Variants in SCMH1 observed in about 807,000 individuals in gnomAD.
SCMH1 encodes the protein Scm polycomb group protein homolog 1.
In SCMH1, 37 loss-of-function variants were observed where a neutral mutation model predicts 70.8. That is an observed-to-expected ratio of 0.52 (90% CI 0.40 to 0.69). The LOEUF is 0.69. SCMH1 is among the 30% of genes least tolerant of loss of function. The probability of loss-of-function intolerance (pLI) is 0.00; values close to 1 mark genes in which losing one functional copy is unlikely to be tolerated. For missense variants in SCMH1, 607 were observed against 827.3 expected (o/e 0.73, Z 3.27); for synonymous variants, 292 against 307.4 (o/e 0.95, Z 0.52).
intron 2 of SCMH1, among the ~76,000 whole-genome samples, chr1:41,163,908 C>A (rs1646239021): frequency 6.6e-6 from 1 of 152,008 alleles, no homozygotes; most frequent in South Asian, 2.1e-4. Flanking sequence ...GACACTGCAC[C>A]CACTTTCTAC....
At chr1:41,112,548 AATG>A (rs768441411) in intron 8 of SCMH1, among the ~76,000 whole-genome samples, 2 of 152,044 alleles carry the variant, frequency 1.3e-5, no homozygotes, top group Non-Finnish European at 2.9e-5. Context: ...GTTTTATAAT[AATG>A]ATAATATAGC....
intron 6 of SCMH1, among the ~76,000 whole-genome samples, chr1:41,141,026 C>T (rs1021798165): frequency 2.6e-5 from 4 of 152,122 alleles, no homozygotes; most frequent in Non-Finnish European, 5.9e-5. Context: ...TGCTAATAAA[C>T]CAATTCATTG....
intron 6 of SCMH1, among the ~76,000 whole-genome samples, chr1:41,130,948 G>GT (rs1328377991): frequency 9.9e-5 from 15 of 151,888 alleles, no homozygotes; most frequent in Admixed American, 4.6e-4. Flanking sequence ...TTTTTCTTTT[G>GT]TTTTTTTGTG....
At chr1:41,160,938 C>G (rs1645967432) in intron 3 of SCMH1, 40 bp from the exon 4 acceptor site, 2 of 1,532,194 alleles carry the variant, frequency 1.3e-6, no homozygotes, top group Non-Finnish European at 1.8e-6. Context: ...GTCATTAAGA[C>G]AAACATACCA....
At chr1:41,101,157 A>G (rs148422211) in intron 8 of SCMH1, among the ~76,000 whole-genome samples, 383 of 152,326 alleles carry the variant, frequency 2.5e-3, no homozygotes, top group Non-Finnish European at 3.5e-3. Flanking sequence ...AGAAAAACCA[A>G]ATTAGAGCCA....
chr1:41,027,926 G>A, exon 15 of SCMH1: 1 of 455,380 alleles, frequency 2.2e-6, no homozygotes, highest in Non-Finnish European at 3.9e-6. Context: ...GCCAGCCAGG[G>A]TTGAGAAATA....
intron 5 of SCMH1, 111 bp from the exon 6 acceptor site, chr1:41,143,223 C>A: frequency 4.3e-6 from 3 of 703,754 alleles, no homozygotes; most frequent in Admixed American, 2.8e-5. Context: ...CTGAATTATT[C>A]CCTAATAATT....
chr1:41,210,517 C>A (rs1178109462), intron 1 of SCMH1, among the ~76,000 whole-genome samples: 1 of 152,084 alleles, frequency 6.6e-6, no homozygotes, highest in African/African-American at 2.4e-5. Flanking sequence ...GATGTATAGA[C>A]CAATGGAACA....
intron 7 of SCMH1, among the ~76,000 whole-genome samples, chr1:41,115,672 T>A (rs555048735): frequency 2.0e-5 from 3 of 152,360 alleles, no homozygotes; most frequent in African/African-American, 7.2e-5. Context: ...ATTCCTGGAC[T>A]CAGTGCTTTT....
intron 1 of SCMH1, among the ~76,000 whole-genome samples, chr1:41,201,610 T>C (rs931453326): frequency 1.3e-4 from 20 of 152,162 alleles, no homozygotes; most frequent in Non-Finnish European, 1.3e-4. Flanking sequence ...TCATTTCTGG[T>C]TGGGAAACTC....
intron 1 of SCMH1, among the ~76,000 whole-genome samples, chr1:41,188,394 T>G (rs1427719714): frequency 2.6e-5 from 4 of 152,206 alleles, no homozygotes; most frequent in Admixed American, 2.0e-4. Context: ...CTCTCAAAAT[T>G]TAATGCAATG....
intron 8 of SCMH1, among the ~76,000 whole-genome samples, chr1:41,092,137 A>G (rs1663736205): frequency 6.6e-6 from 1 of 152,262 alleles, no homozygotes; most frequent in Non-Finnish European, 1.5e-5. Flanking sequence ...ACAAGGTTAC[A>G]GTAACCAAAA....
At chr1:41,162,043 T>G (rs1471904349) in intron 2 of SCMH1, among the ~76,000 whole-genome samples, 1 of 152,084 alleles carries the variant, frequency 6.6e-6, no homozygotes, top group African/African-American at 2.4e-5. Flanking sequence ...CCCGCCATCC[T>G]GGGTGCAGCT....
intron 8 of SCMH1, among the ~76,000 whole-genome samples, chr1:41,094,720 C>A (rs987420709): frequency 6.6e-6 from 1 of 151,974 alleles, no homozygotes; most frequent in African/African-American, 2.4e-5. Flanking sequence ...GAAACCCCGT[C>A]TCTACTAAAA....
chr1:41,102,631 C>T (rs1666899295), intron 8 of SCMH1, among the ~76,000 whole-genome samples: 1 of 152,158 alleles, frequency 6.6e-6, no homozygotes, highest in Non-Finnish European at 1.5e-5. Context: ...AAACAGATAA[C>T]TAAAATCATG....
chr1:41,236,583 C>A (rs1164741595), intron 1 of SCMH1, among the ~76,000 whole-genome samples: 3 of 152,124 alleles, frequency 2.0e-5, no homozygotes, highest in African/African-American at 7.2e-5. Context: ...ATAAGTCTTG[C>A]TGGGTTTATC....
At chr1:41,232,244 A>G (rs1455077876) in intron 1 of SCMH1, among the ~76,000 whole-genome samples, 1 of 152,106 alleles carries the variant, frequency 6.6e-6, no homozygotes, top group African/African-American at 2.4e-5. Context: ...AAAACTGCAA[A>G]CCAAAGGTTG....
intron 2 of SCMH1, among the ~76,000 whole-genome samples, chr1:41,183,147 C>A (rs1649290148): frequency 6.6e-6 from 1 of 152,184 alleles, no homozygotes; most frequent in South Asian, 2.1e-4. Context: ...AACTGGTTAT[C>A]CAATTCCGTC....
chr1:41,182,276 C>A (rs897911269), intron 2 of SCMH1, among the ~76,000 whole-genome samples: 23 of 152,158 alleles, frequency 1.5e-4, no homozygotes, highest in Non-Finnish European at 3.2e-4. Flanking sequence ...GTGCAGCACA[C>A]CAACATGGCA....
Sources: gnomAD v4.1 joint callset for allele counts (sites outside exome capture counted in the v4.1 genomes callset) on GRCh38, gnomAD v4.1.1 for gene constraint, MANE v1.5 for transcripts, NCBI Gene and HGNC (gene_info 2026-07-23, HGNC 2026-07-21) for gene names.